Variants in CNTN6 observed in about 807,000 individuals in gnomAD.
The protein encoded by CNTN6 is contactin 6, also known as contactin-6.
In CNTN6, 137 loss-of-function variants were observed where a neutral mutation model predicts 122.8. That is an observed-to-expected ratio of 1.12 (90% confidence interval 0.97 to 1.29). The LOEUF is 1.29. Ranked by LOEUF, CNTN6 falls within the 50% of genes most tolerant of loss-of-function variation. The pLI is 0.00. For synonymous variants in CNTN6, 570 were observed against 426.0 expected (o/e 1.34, Z -4.16); for missense variants, 1,634 against 1,223.4 (o/e 1.34, Z -5.01).
Position 1,295,282 on chromosome 3 carries a change from G to A in CNTN6, c.455-319G>A, listed in dbSNP as rs182612087. ...TCCTAAGGAATTCAGTGTACATTTGGAACAGTTATTATTTTATACGTCTTA... is the reference window on the plus strand; with the variant it reads ...TCCTAAGGAATTCAGTGTACATTTGAAACAGTTATTATTTTATACGTCTTA... On this transcript the variant is annotated intron_variant, in intron 5 of 22. Coordinates refer to ENST00000446702, the MANE Select transcript of CNTN6 (RefSeq NM_001289080.2). 9.2e-5 allele frequency among the ~76,000 whole-genome samples: 14 copies of A among 152,176 alleles called. No homozygotes were observed. The East Asian group carries it at 2.7e-3, about 29-fold the overall frequency.
chr3:1,319,694 G>T (rs768279720), intron 7 of CNTN6, among the ~76,000 whole-genome samples: 16 of 151,364 alleles, frequency 1.1e-4, no homozygotes, highest in Admixed American at 8.6e-4. Context: ...GTCATAAAAA[G>T]ATAAAGGATC....
At chr3:1,113,515 A>G (rs757494571) in intron 1 of CNTN6, among the ~76,000 whole-genome samples, 9 of 152,214 alleles carry the variant, frequency 5.9e-5, no homozygotes, top group Non-Finnish European at 8.8e-5. Flanking sequence ...TTCATTGTAA[A>G]TTCTAGGAAA....
intron 7 of CNTN6, among the ~76,000 whole-genome samples, chr3:1,301,750 C>T (rs1340812257): frequency 6.6e-6 from 1 of 152,168 alleles, no homozygotes; most frequent in Non-Finnish European, 1.5e-5. Flanking sequence ...TTAAGATGCC[C>T]TGTATAACAA....
In CNTN6 at chr3:1,402,371, T is replaced by C; in HGVS notation, c.2871T>C (p.Asn957=). ...AAACTCATATTTTGGAAACAAACAA[T>C]ACATCAGCTGAGCTTCTGGTTCCAT... ...QSKTHILETN[N]TSAELLVPFE... The change falls in exon 22 of 23, where the codon AAT becomes AAC. Residue 957 remains asparagine (N), a synonymous_variant. Transcript: ENST00000446702. 1 of 1,612,318 alleles carries C rather than the reference T, an allele frequency of 6.2e-7. No homozygotes were observed. The highest frequency in any genetic ancestry group is 8.5e-7 in the Non-Finnish European group (1 of 1,179,006).
Position 1,309,819 on chromosome 3 carries a change from A to G in CNTN6, c.761+11828A>G, listed in dbSNP as rs180741197. On this transcript the variant is annotated intron_variant, in intron 7 of 22. Transcript: ENST00000446702. ...CTTTTAATTGATTTTATGAGATTGT[A>G]TAGTTTTCTGCATGTAAATTCTGAA... Among the ~76,000 whole-genome samples the G allele has an allele frequency of 2.6e-3, 390 of 152,282 alleles. 5 individuals are homozygous for G. Among genetic ancestry groups the G allele is most frequent in the Non-Finnish European group, 3.4e-3 (232 of 68,012 alleles).
intron 5 of CNTN6, among the ~76,000 whole-genome samples, chr3:1,282,598 A>G (rs114927029): frequency 0.013 from 2,024 of 152,312 alleles, 29 homozygotes; most frequent in Non-Finnish European, 0.017. Flanking sequence ...TCTTATCTGT[A>G]AAATATTTCC....
At chr3:1,285,353 A>G (rs1694150399) in intron 5 of CNTN6, among the ~76,000 whole-genome samples, 1 of 152,188 alleles carries the variant, frequency 6.6e-6, no homozygotes. Context: ...AGGTTTAAGG[A>G]TGGAGTAAAT....
chr3:1,328,800 G>A (rs1701880730), intron 10 of CNTN6, among the ~76,000 whole-genome samples: 1 of 151,672 alleles, frequency 6.6e-6, no homozygotes, highest in Non-Finnish European at 1.5e-5. Flanking sequence ...CTTTAGATTA[G>A]AAATGGAGAC....
chr3:1,344,116 G>A (rs1704295571), intron 11 of CNTN6, among the ~76,000 whole-genome samples: 1 of 152,126 alleles, frequency 6.6e-6, no homozygotes, highest in Non-Finnish European at 1.5e-5. Flanking sequence ...TTGATGTGGG[G>A]AGAAAGCATA....
chr3:1,391,429 C>G (rs1411704309), intron 20 of CNTN6, among the ~76,000 whole-genome samples: 2 of 98,784 alleles, frequency 2.0e-5, no homozygotes, highest in East Asian at 2.8e-4. Context: ...CTATCTATGA[C>G]AAACCCACAG....
At chr3:1,359,700 G>A (rs1354859748) in intron 12 of CNTN6, among the ~76,000 whole-genome samples, 3 of 151,966 alleles carry the variant, frequency 2.0e-5, no homozygotes, top group South Asian at 2.1e-4. Context: ...TTAGACTTAC[G>A]GATTGTATTT....
intron 4 of CNTN6, among the ~76,000 whole-genome samples, chr3:1,242,449 G>T (rs751041280): frequency 2.0e-5 from 3 of 152,138 alleles, no homozygotes; most frequent in Admixed American, 6.5e-5. Flanking sequence ...CAGGTAAAAT[G>T]GGGGAATTGT....
intron 1 of CNTN6, among the ~76,000 whole-genome samples, chr3:1,095,117 T>G (rs1216730848): frequency 1.3e-5 from 2 of 151,918 alleles, no homozygotes; most frequent in African/African-American, 4.8e-5. Flanking sequence ...AATATTTAGA[T>G]AATATAGTCA....
chr3:1,349,592 C>T (rs1705308405), intron 11 of CNTN6, among the ~76,000 whole-genome samples: 1 of 151,892 alleles, frequency 6.6e-6, no homozygotes, highest in African/African-American at 2.4e-5. Flanking sequence ...TTAATTCTTA[C>T]ATGTGCATTT....
intron 2 of CNTN6, among the ~76,000 whole-genome samples, chr3:1,156,604 CT>C (rs1311233045): frequency 6.7e-6 from 1 of 149,938 alleles, no homozygotes; most frequent in African/African-American, 2.5e-5. Flanking sequence ...TTCTTTCTTT[CT>C]TTCTTTTTCT....
chr3:1,214,895 A>G (rs888218469), intron 2 of CNTN6, among the ~76,000 whole-genome samples: 1 of 152,106 alleles, frequency 6.6e-6, no homozygotes, highest in Admixed American at 6.6e-5. Context: ...AGCTGGGACT[A>G]CAAGCACCCA....
chr3:1,264,589 CTAA>C (rs929255557), intron 4 of CNTN6, among the ~76,000 whole-genome samples: 42 of 133,830 alleles, frequency 3.1e-4, no homozygotes, highest in Admixed American at 6.5e-4. Flanking sequence ...TTTTAATTAA[CTAA>C]TAATAATTGT....
At chr3:1,397,545 G>A (rs539691855) in intron 20 of CNTN6, among the ~76,000 whole-genome samples, 3 of 152,168 alleles carry the variant, frequency 2.0e-5, no homozygotes, top group South Asian at 4.2e-4. Flanking sequence ...CAAATATACT[G>A]TGATCCACAC....
chr3:1,146,076 A>G (rs2125162041), intron 1 of CNTN6, among the ~76,000 whole-genome samples: 1 of 152,202 alleles, frequency 6.6e-6, no homozygotes, highest in Admixed American at 6.6e-5. Context: ...TGTACTACAA[A>G]AGTAGCCTTT....
Sources: allele counts gnomAD v4.1 joint callset (sites outside exome capture counted in the v4.1 genomes callset), GRCh38; gene constraint gnomAD v4.1.1; transcripts MANE v1.5; gene names NCBI Gene and HGNC (gene_info 2026-07-23, HGNC 2026-07-21).